The following CLRN1 variants were observed in gnomAD, a reference collection of about 807,000 sequenced individuals.
CLRN1 encodes clarin 1.
A neutral mutation model predicts 18.7 loss-of-function variants in CLRN1; 15 were observed. The observed-to-expected ratio is 0.80, with a 90% CI of 0.54 to 1.23. The LOEUF is 1.23. Among genes scored for constraint, CLRN1 ranks in the 50% most tolerant of loss-of-function variants. CLRN1 has a pLI of 0.00. For missense variants in CLRN1, 311 were observed against 277.5 expected, an observed-to-expected ratio of 1.12 and a Z score of -0.86; for synonymous variants, 104 against 102.9, an observed-to-expected ratio of 1.01 and a Z score of -0.07.
chr3:150,957,104 T>C (rs1432051422), intron 1 of CLRN1, among the ~76,000 whole-genome samples: 1 of 152,114 alleles, frequency 6.6e-6, no homozygotes, highest in Non-Finnish European at 1.5e-5. Context: ...TCCCTGTGCT[T>C]TCAGACTCAT....
chr3:150,970,416 T>G (rs1715474504), intron 1 of CLRN1, among the ~76,000 whole-genome samples: 1 of 152,100 alleles, frequency 6.6e-6, no homozygotes, highest in Non-Finnish European at 1.5e-5. Flanking sequence ...GGTGTTTATT[T>G]AAATGAATAT....
chr3:150,952,747 T>C (rs188978952), intron 1 of CLRN1, among the ~76,000 whole-genome samples: 304 of 152,190 alleles, frequency 2.0e-3, no homozygotes, highest in Non-Finnish European at 3.0e-3. Context: ...AAATTGAGGG[T>C]TGTTACCAAA....
chr3:150,938,544 A>T (rs572143175), intron 2 of CLRN1, among the ~76,000 whole-genome samples: 14 of 152,270 alleles, frequency 9.2e-5, no homozygotes, highest in Admixed American at 4.6e-4. Flanking sequence ...GAGGTCACAA[A>T]CTGCCAGTCC....
rs373113169 is a variant in CLRN1, at chr3:150,967,573, T to C, written c.253+4883A>G. Among the ~76,000 whole-genome samples, 9 of 152,294 alleles carry C rather than the reference T, an allele frequency of 5.9e-5. No homozygotes were observed. The South Asian group carries it at 1.2e-3, about 21-fold the overall frequency. On this transcript the variant is annotated intron_variant, in intron 1 of 2. Coordinates refer to ENST00000327047, the MANE Select transcript of CLRN1 (RefSeq NM_174878.3). ...AGGTAGTCTTTGCAGATGAACTTCA[T>C]AGGCTTCCCCTTTACACACCCCCAT...
intron 2 of CLRN1, among the ~76,000 whole-genome samples, chr3:150,938,114 G>A (rs1336345240): frequency 1.3e-5 from 2 of 152,124 alleles, no homozygotes; most frequent in Non-Finnish European, 2.9e-5. Flanking sequence ...GAACCTGAAT[G>A]TGAGTAGGGA....
intron 1 of CLRN1, among the ~76,000 whole-genome samples, chr3:150,951,904 G>T (rs1045978740): frequency 6.6e-6 from 1 of 152,060 alleles, no homozygotes; most frequent in African/African-American, 2.4e-5. Flanking sequence ...TAAGAACTCT[G>T]CCCCCATGAC....
intron 1 of CLRN1, among the ~76,000 whole-genome samples, chr3:150,962,154 G>A (rs1178572861): frequency 9.2e-5 from 14 of 152,184 alleles, no homozygotes. Context: ...CTAATCCACA[G>A]GGGTATGATT....
At chr3:150,943,259 C>G (rs1208724055) in intron 1 of CLRN1, among the ~76,000 whole-genome samples, 1 of 152,184 alleles carries the variant, frequency 6.6e-6, no homozygotes, top group Non-Finnish European at 1.5e-5. Context: ...GTGAGAACTT[C>G]CATCCCTGTG....
chr3:150,932,267 G>A (rs1487765365), intron 2 of CLRN1, among the ~76,000 whole-genome samples: 1 of 152,158 alleles, frequency 6.6e-6, no homozygotes. Flanking sequence ...GGGAACGTAG[G>A]ACATGGCCAA....
intron 1 of CLRN1, chr3:150,944,331 T>A (rs1171798292): frequency 1.1e-5 from 2 of 186,946 alleles, no homozygotes; most frequent in Non-Finnish European, 2.3e-5. Context: ...TCTAAATTTA[T>A]TAGGAAGCCA....
At chr3:150,955,095 C>T (rs934138289) in intron 1 of CLRN1, among the ~76,000 whole-genome samples, 4 of 152,184 alleles carry the variant, frequency 2.6e-5, no homozygotes, top group East Asian at 1.9e-4. Flanking sequence ...CACAATAACT[C>T]GGATAGATCT....
At chr3:150,953,124 T>C (rs1007410729) in intron 1 of CLRN1, among the ~76,000 whole-genome samples, 1 of 152,178 alleles carries the variant, frequency 6.6e-6, no homozygotes, top group African/African-American at 2.4e-5. Flanking sequence ...ATTTGCTTGG[T>C]CTCTCTGTTC....
intron 2 of CLRN1, 55 bp downstream of exon 2, chr3:150,941,527 C>A: frequency 6.5e-7 from 1 of 1,550,258 alleles, no homozygotes; most frequent in South Asian, 1.1e-5. Flanking sequence ...GGTAGACGGT[C>A]TTTTTGACAT....
At chr3:150,962,704 C>T (rs1289723400) in intron 1 of CLRN1, among the ~76,000 whole-genome samples, 1 of 152,132 alleles carries the variant, frequency 6.6e-6, no homozygotes, top group East Asian at 1.9e-4. Context: ...TTTTAGTTGG[C>T]AGTGATCTTA....
At chr3:150,926,540 G>A, downstream of CLRN1, 1 of 525,808 alleles carries the variant, frequency 1.9e-6, no homozygotes, top group Non-Finnish European at 3.5e-6. Context: ...TTGTCCAGGT[G>A]TATTTCCTGA....
intron 1 of CLRN1, among the ~76,000 whole-genome samples, chr3:150,948,532 C>T (rs1164096532): frequency 6.7e-6 from 1 of 148,296 alleles, no homozygotes; most frequent in African/African-American, 2.5e-5. Flanking sequence ...AGAATGTTAC[C>T]ACTGATCCCA....
At chr3:150,964,707 A>G (rs1271041988) in intron 1 of CLRN1, among the ~76,000 whole-genome samples, 1 of 152,252 alleles carries the variant, frequency 6.6e-6, no homozygotes, top group African/African-American at 2.4e-5. Context: ...CATGTATACC[A>G]TAGAATGGTA....
At chr3:150,957,132 C>T (rs1714778988) in intron 1 of CLRN1, among the ~76,000 whole-genome samples, 1 of 152,204 alleles carries the variant, frequency 6.6e-6, no homozygotes. Flanking sequence ...CATCTTTGCA[C>T]AGACCTTTCT....
At chr3:150,951,128 A>G (rs1157611406) in intron 1 of CLRN1, among the ~76,000 whole-genome samples, 2 of 152,128 alleles carry the variant, frequency 1.3e-5, no homozygotes, top group African/African-American at 2.4e-5. Flanking sequence ...AACAACAGAC[A>G]CTGGGATCTT....
Sources: allele counts gnomAD v4.1 joint callset (sites outside exome capture counted in the v4.1 genomes callset), GRCh38; gene constraint gnomAD v4.1.1; transcripts MANE v1.5; gene names NCBI Gene and HGNC (gene_info 2026-07-23, HGNC 2026-07-21).